Variants in NOS2 observed in about 807,000 individuals in gnomAD.
NOS2 encodes the protein nitric oxide synthase 2.
A neutral mutation model predicts 136.0 loss-of-function variants in NOS2; 96 were observed. The observed-to-expected ratio is 0.71, with a 90% confidence interval of 0.60 to 0.84. NOS2 has a LOEUF of 0.84. NOS2 is among the 40% of genes least tolerant of loss of function. The pLI, the probability that NOS2 is intolerant of heterozygous loss-of-function variation, is 0.00. For missense variants in NOS2, 1,237 were observed against 1,496.9 expected (o/e 0.83, Z 2.87); for synonymous variants, 539 against 587.5 (o/e 0.92, Z 1.20).
intron 26 of NOS2, among the ~76,000 whole-genome samples, chr17:27,758,442 TA>T (rs1228557376): frequency 6.6e-6 from 1 of 152,116 alleles, no homozygotes; most frequent in Non-Finnish European, 1.5e-5. Flanking sequence ...TCTTCATCAA[TA>T]AAATGCAAGC....
Position 27,788,872 on chromosome 17 carries a change from C to T in NOS2, c.255G>A (p.Val85=). ...TCCCGCTGCCCCAGTTTTTGATCCTCACATGCCGTGGGGAGGACAATGGGG... is the reference window on the plus strand; with the variant it reads ...TCCCGCTGCCCCAGTTTTTGATCCTTACATGCCGTGGGGAGGACAATGGGG... ...DATPLSSPRH[V]RIKNWGSGMT... Residue 85 remains valine, a synonymous_variant, in exon 4 of 27, where the codon GTG becomes GTA. Coordinates refer to ENST00000313735, the MANE Select transcript of NOS2 (RefSeq NM_000625.4). 6.2e-7 allele frequency: 1 copy of T among 1,614,216 alleles called. No individual in the cohort carries two copies. The highest frequency in any genetic ancestry group is 8.5e-7 in the Non-Finnish European group (1 of 1,180,030).
intron 5 of NOS2, among the ~76,000 whole-genome samples, chr17:27,785,697 C>A (rs2142521166): frequency 6.6e-6 from 1 of 152,236 alleles, no homozygotes; most frequent in Admixed American, 6.5e-5. Context: ...GCGGCACACA[C>A]CTGTAATCCC....
intron 2 of NOS2, among the ~76,000 whole-genome samples, chr17:27,792,982 C>CA (rs906781358): frequency 2.0e-5 from 3 of 151,676 alleles, no homozygotes; most frequent in Admixed American, 6.6e-5. Flanking sequence ...GAGACCCTAT[C>CA]AAAAAAAGGG....
intron 11 of NOS2, among the ~76,000 whole-genome samples, chr17:27,777,410 C>T (rs553980784): frequency 3.9e-5 from 6 of 152,292 alleles, no homozygotes; most frequent in East Asian, 1.9e-4. Flanking sequence ...GTAAGAGCAG[C>T]GGATGGGCCT....
chr17:27,760,785 C>A (rs200190924), intron 23 of NOS2, 41 bp from the exon 24 acceptor site: 52 of 1,535,188 alleles, frequency 3.4e-5, no homozygotes, highest in Non-Finnish European at 4.2e-5. Flanking sequence ...CCTCAGACAC[C>A]CCAGGCCCAC....
chr17:27,790,543 A>G (rs1225813436), intron 2 of NOS2, among the ~76,000 whole-genome samples: 1 of 152,222 alleles, frequency 6.6e-6, no homozygotes, highest in Non-Finnish European at 1.5e-5. Flanking sequence ...CCCTTCACCC[A>G]GATTCAACCC....
At chr17:27,778,247 T>C (rs1908723248) in intron 11 of NOS2, among the ~76,000 whole-genome samples, 1 of 151,990 alleles carries the variant, frequency 6.6e-6, no homozygotes, top group Non-Finnish European at 1.5e-5. Flanking sequence ...CCAGCCAGGC[T>C]GAAGCAGTTG....
chr17:27,759,135 A>C, intron 25 of NOS2, 60 bp from the exon 26 acceptor site: 1 of 1,307,104 alleles, frequency 7.7e-7, no homozygotes, highest in Non-Finnish European at 1.0e-6. Context: ...GCTTGCAGGC[A>C]GGCCTGCTGG....
rs201698750 is a variant in NOS2 at position 27,778,796 on chromosome 17, A to G, written c.1180-5T>C. The G allele has an allele frequency of 1.9e-6, 3 of 1,613,934 alleles. No homozygotes were observed. The highest frequency in any genetic ancestry group is 2.5e-6 in the Non-Finnish European group (3 of 1,179,912). On this transcript the variant is annotated splice_region_variant and splice_polypyrimidine_tract_variant and intron_variant, in intron 10 of 26. Coordinates refer to ENST00000313735, the MANE Select transcript of NOS2 (RefSeq NM_000625.4). ...GCCCATTCTCCTGCCCACTTCCTAC[A>G]GAGGCAGAGTGATAGCGGCGAGTCG...
At chr17:27,787,426 C>T (rs763210195) in intron 5 of NOS2, among the ~76,000 whole-genome samples, 3 of 152,142 alleles carry the variant, frequency 2.0e-5, no homozygotes, top group Admixed American at 6.6e-5. Flanking sequence ...AGACACAATG[C>T]GGGAGCCAGG....
chr17:27,774,425 G>A lies in NOS2; in HGVS notation c.1308C>T (p.His436=), dbSNP rs201799438. The A allele has an allele frequency of 6.6e-7, 1 of 1,521,542 alleles. No homozygotes were observed. Among genetic ancestry groups the A allele is most frequent in the Non-Finnish European group, 8.8e-7 (1 of 1,132,348 alleles). 94.3% of individuals were successfully genotyped at this position (1,521,542 alleles called of 1,614,324 possible). A position where few individuals can be genotyped will look rare whatever the true frequency, so the allele number is the denominator to read the frequency against. ...TCATGAAGGATTCTGCAGCCGAGTG[G>A]TGGTCCATGATGGTCACATTCTGCT... is the stretch of plus-strand genomic sequence containing the variant. ...FQKQNVTIMD[H]HSAAESFMKY... is the part of the protein sequence containing the mutation. Residue 436 remains histidine, a synonymous_variant, in exon 12 of 27, where the codon CAC becomes CAT. Transcript: ENST00000313735.
chr17:27,782,334 G>A (rs1908876559), intron 6 of NOS2, among the ~76,000 whole-genome samples: 1 of 152,142 alleles, frequency 6.6e-6, no homozygotes, highest in African/African-American at 2.4e-5. Flanking sequence ...CTGCCCTCTA[G>A]GGGAGCACAG....
At chr17:27,790,878 C>A (rs573197765) in intron 2 of NOS2, among the ~76,000 whole-genome samples, 1 of 152,274 alleles carries the variant, frequency 6.6e-6, no homozygotes, top group South Asian at 2.1e-4. Context: ...ATCATCCCAC[C>A]AGGGCACCTT....
At chr17:27,786,685 G>T (rs927106641) in intron 5 of NOS2, among the ~76,000 whole-genome samples, 1 of 151,932 alleles carries the variant, frequency 6.6e-6, no homozygotes, top group African/African-American at 2.4e-5. Flanking sequence ...ATAAACTCCC[G>T]CCAACTACCC....
chr17:27,793,690 C>G, intron 2 of NOS2: 1 of 395,428 alleles, frequency 2.5e-6, no homozygotes, highest in Non-Finnish European at 4.5e-6. Flanking sequence ...CAGCCCCTCG[C>G]GCATGGCCCG....
intron 21 of NOS2, 41 bp from the exon 22 acceptor site, chr17:27,763,046 C>A: frequency 7.2e-7 from 1 of 1,390,578 alleles, no homozygotes; most frequent in Non-Finnish European, 9.9e-7. Context: ...GGGCGCCTGT[C>A]CCGCTTTGGG....
chr17:27,792,175 C>T (rs1198789974), intron 2 of NOS2, among the ~76,000 whole-genome samples: 1 of 152,202 alleles, frequency 6.6e-6, no homozygotes, highest in Non-Finnish European at 1.5e-5. Context: ...CACGATTAGC[C>T]TGGTCCCATT....
At chr17:27,794,853 T>C (rs537117950) in intron 2 of NOS2, among the ~76,000 whole-genome samples, 1 of 152,096 alleles carries the variant, frequency 6.6e-6, no homozygotes, top group Non-Finnish European at 1.5e-5. Context: ...CTTTTTAAAA[T>C]CAAAATATAT....
intron 17 of NOS2, 142 bp from the exon 18 acceptor site, chr17:27,767,979 T>C: frequency 9.9e-7 from 1 of 1,007,832 alleles, no homozygotes; most frequent in South Asian, 1.5e-5. Flanking sequence ...ACTTACCTGA[T>C]AGGGTGACAG....
Sources: gnomAD v4.1 joint callset for allele counts (sites outside exome capture counted in the v4.1 genomes callset) on GRCh38, gnomAD v4.1.1 for gene constraint, MANE v1.5 for transcripts, NCBI Gene and HGNC (gene_info 2026-07-23, HGNC 2026-07-21) for gene names.